The following CSMD2 variants were observed in gnomAD, a reference collection of about 807,000 sequenced individuals.
CSMD2 encodes CUB and sushi domain-containing protein 2.
Under a neutral mutation model 398.5 loss-of-function variants are expected in CSMD2, and 130 were observed. The observed-to-expected ratio is 0.33, with a 90% confidence interval of 0.28 to 0.38. CSMD2 has a LOEUF of 0.38. Among genes scored for constraint, CSMD2 ranks in the 10% least tolerant of loss-of-function variants. The probability of loss-of-function intolerance (pLI) is 1.00; values close to 1 mark genes in which losing one functional copy is unlikely to be tolerated. For synonymous variants in CSMD2, 1,828 were observed against 1,908.5 expected (o/e 0.96, Z 1.10); for missense variants, 3,829 against 4,764.9 (o/e 0.80, Z 5.78).
intron 25 of CSMD2, among the ~76,000 whole-genome samples, chr1:33,679,208 T>G (rs1433385959): frequency 1.3e-5 from 2 of 150,442 alleles, no homozygotes; most frequent in Non-Finnish European, 3.0e-5. Context: ...TGTTTTTTTT[T>G]TTTTTTTTTT....
At chr1:33,949,275 G>A (rs1387249304) in intron 3 of CSMD2, among the ~76,000 whole-genome samples, 1 of 152,162 alleles carries the variant, frequency 6.6e-6, no homozygotes, top group Non-Finnish European at 1.5e-5. Flanking sequence ...GGATTCCCTG[G>A]GAGAAGATGC....
intron 27 of CSMD2, among the ~76,000 whole-genome samples, chr1:33,657,353 A>G (rs1643978194): frequency 6.6e-6 from 1 of 152,204 alleles, no homozygotes; most frequent in South Asian, 2.1e-4. Flanking sequence ...ACAGGCCTGC[A>G]AGCCCAGCTA....
intron 5 of CSMD2, among the ~76,000 whole-genome samples, chr1:33,867,316 C>G (rs1047258060): frequency 2.0e-5 from 3 of 152,222 alleles, no homozygotes; most frequent in South Asian, 2.1e-4. Flanking sequence ...GTCCACCAAC[C>G]ACAAGGAACT....
At chr1:33,599,457 T>C (rs919751629) in intron 44 of CSMD2, 2 of 152,252 alleles carry the variant, frequency 1.3e-5, no homozygotes, top group African/African-American at 4.8e-5. Flanking sequence ...TTCCAAGCAT[T>C]GTTTCATTTA....
chr1:33,890,408 T>A lies in CSMD2; in HGVS notation c.920+27686A>T, dbSNP rs188372231. 3.4e-3 allele frequency among the ~76,000 whole-genome samples: 524 copies of A among 152,146 alleles called. 4 individuals carry two copies. The highest frequency in any genetic ancestry group is 0.012 in the African/African-American group (488 of 41,510). On this transcript the variant is annotated intron_variant, in intron 5 of 70. Transcript: ENST00000373381. ...ACCACGCCTGGCTAATTTTTTGTATTTTTAGTAGAGACGGGGTTTCACCAT... is the reference window on the plus strand; with the variant it reads ...ACCACGCCTGGCTAATTTTTTGTATATTTAGTAGAGACGGGGTTTCACCAT...
At chr1:33,592,467 T>A in intron 44 of CSMD2, 1 of 716,942 alleles carries the variant, frequency 1.4e-6, no homozygotes, top group Non-Finnish European at 2.6e-6. Context: ...GGTGTCACAA[T>A]GTACAAACAG....
At chr1:33,918,444 A>G (rs1268806572) in intron 4 of CSMD2, 143 bp from the exon 5 acceptor site, 2 of 720,656 alleles carry the variant, frequency 2.8e-6, no homozygotes, top group Non-Finnish European at 2.3e-6. Context: ...GCAGCAAATG[A>G]CTTTGTTTGG....
intron 1 of CSMD2, among the ~76,000 whole-genome samples, chr1:34,149,958 C>T (rs1001703153): frequency 5.9e-5 from 9 of 152,186 alleles, no homozygotes; most frequent in African/African-American, 2.2e-4. Flanking sequence ...GGGTTAAGAC[C>T]AGGGTCATCA....
intron 1 of CSMD2, among the ~76,000 whole-genome samples, chr1:34,161,185 G>T (rs904130397): frequency 5.3e-5 from 8 of 152,204 alleles, no homozygotes; most frequent in African/African-American, 1.9e-4. Flanking sequence ...GGAAATACGG[G>T]AGGCTTAAGA....
intron 7 of CSMD2, among the ~76,000 whole-genome samples, chr1:33,822,630 C>T (rs1014544470): frequency 6.6e-5 from 10 of 152,140 alleles, no homozygotes; most frequent in Non-Finnish European, 1.2e-4. Context: ...CCAGTCCAGA[C>T]ACCTCAGGCT....
chr1:33,796,482 C>T (rs1654963847), intron 10 of CSMD2, among the ~76,000 whole-genome samples: 1 of 152,322 alleles, frequency 6.6e-6, no homozygotes, highest in East Asian at 1.9e-4. Context: ...TTAATATGGA[C>T]ATTTATCAGT....
intron 3 of CSMD2, among the ~76,000 whole-genome samples, chr1:33,999,555 C>A (rs891162319): frequency 1.3e-5 from 2 of 151,286 alleles, no homozygotes; most frequent in African/African-American, 4.9e-5. Flanking sequence ...ACCACCTCAC[C>A]CAGCTAATTT....
intron 48 of CSMD2, 82 bp from the exon 49 acceptor site, chr1:33,577,566 G>T: frequency 8.7e-7 from 1 of 1,154,808 alleles, no homozygotes; most frequent in Non-Finnish European, 1.1e-6. Flanking sequence ...TTTCCCTTTC[G>T]TCTCCCCCCC....
intron 41 of CSMD2, chr1:33,605,878 C>T (rs754783344): frequency 6.2e-7 from 1 of 1,613,558 alleles, no homozygotes; most frequent in Non-Finnish European, 8.5e-7. Flanking sequence ...CAACCAGGAT[C>T]AAGATCCCAG....
rs531815433 is a variant in CSMD2, at chr1:33,861,264, T to A, written c.921-14268A>T. 5 of 152,348 alleles carry A rather than the reference T, an allele frequency of 3.3e-5. 1 individual carries two copies. In the South Asian group the frequency reaches 1.0e-3, roughly 32 times the overall value. 9.4% of individuals were successfully genotyped at this position (152,348 alleles called of 1,614,324 possible). The stretch of plus-strand genomic sequence containing the variant: ...CATCTGTAGACGAGGAGTTGGCAGA[T>A]TTACGACCCCCAGCTTGCAGCCTAT... On this transcript the variant is annotated intron_variant, in intron 5 of 70. Coordinates refer to ENST00000373381, the MANE Select transcript of CSMD2 (RefSeq NM_001281956.2).
chr1:33,757,915 G>A (rs1649269611), intron 13 of CSMD2, among the ~76,000 whole-genome samples: 1 of 152,182 alleles, frequency 6.6e-6, no homozygotes, highest in South Asian at 2.1e-4. Flanking sequence ...TCTACCTGGT[G>A]TCCTATTTTA....
chr1:33,867,650 T>C lies in CSMD2; in HGVS notation c.921-20654A>G, dbSNP rs180703264. ...TTGTTTCTATCTCCAGCCTCTACCT[T>C]CCCCATTTAATTTCCTTTCCTTTGT... is the stretch of plus-strand genomic sequence containing the variant. On this transcript the variant is annotated intron_variant, in intron 5 of 70. Transcript: ENST00000373381. Among the ~76,000 whole-genome samples, 17 of 152,320 alleles carry C rather than the reference T, an allele frequency of 1.1e-4. No homozygotes were observed. In the East Asian group the frequency reaches 3.3e-3, roughly 29 times the overall value.
rs148769456 is a variant in CSMD2 at position 33,631,832 on chromosome 1, A to C, written c.5200+1590T>G. 2.3e-3 allele frequency among the ~76,000 whole-genome samples: 351 copies of C among 152,266 alleles called. 4 individuals are homozygous for C. Among genetic ancestry groups the C allele is most frequent in the African/African-American group, 7.4e-3 (306 of 41,584 alleles). On this transcript the variant is annotated intron_variant, in intron 32 of 70. Coordinates refer to ENST00000373381, the MANE Select transcript of CSMD2 (RefSeq NM_001281956.2). ...TCTGATGCAATGTTTTAAACTTAACAAAATATTTCTAAATATAATTTGGAG... is the reference window on the plus strand; with the variant it reads ...TCTGATGCAATGTTTTAAACTTAACCAAATATTTCTAAATATAATTTGGAG...
rs1395376441 is a variant in CSMD2 at position 33,819,864 on chromosome 1, T to C, written c.1200-27A>G. 5.0e-6 allele frequency: 8 copies of C among 1,612,676 alleles called. No homozygotes were observed. The East Asian group carries it at 8.9e-5, about 18-fold the overall frequency. On this transcript the variant is annotated intron_variant, in intron 8 of 70. Coordinates refer to ENST00000373381, the MANE Select transcript of CSMD2 (RefSeq NM_001281956.2). Reference sequence around the variant, plus strand: ...TGGGAGACAAAGTGTGTCTGTGAGCTCCATCCCTGGGCCTGCCAAGCCCCG... The same window carrying C: ...TGGGAGACAAAGTGTGTCTGTGAGCCCCATCCCTGGGCCTGCCAAGCCCCG...
Sources: gnomAD v4.1 joint callset for allele counts (sites outside exome capture counted in the v4.1 genomes callset) on GRCh38, gnomAD v4.1.1 for gene constraint, MANE v1.5 for transcripts, NCBI Gene and HGNC (gene_info 2026-07-23, HGNC 2026-07-21) for gene names.